LRMDA: variants seen among roughly 807,000 people sequenced by gnomAD.
The protein encoded by LRMDA is leucine-rich melanocyte differentiation-associated protein.
A neutral mutation model predicts 29.8 loss-of-function variants in LRMDA; 18 were observed. That is an observed-to-expected ratio of 0.60 (90% CI 0.42 to 0.90). The LOEUF is 0.90. Ranked by LOEUF, LRMDA falls within the 40% of genes least tolerant of loss-of-function variation. LRMDA has a pLI of 0.00. For missense variants in LRMDA, 273 were observed against 273.9 expected (o/e 1.00, Z 0.02); for synonymous variants, 125 against 109.4 (o/e 1.14, Z -0.89).
chr10:76,334,489 C>A (rs1045974556), intron 6 of LRMDA, among the ~76,000 whole-genome samples: 4 of 152,162 alleles, frequency 2.6e-5, no homozygotes, highest in African/African-American at 9.7e-5. Flanking sequence ...CAAATGATGA[C>A]GTTGTTGGCT....
At chr10:75,757,065 G>T (rs917468685) in intron 2 of LRMDA, among the ~76,000 whole-genome samples, 2 of 152,256 alleles carry the variant, frequency 1.3e-5, no homozygotes, top group East Asian at 1.9e-4. Flanking sequence ...TCTTCCTGGG[G>T]CCCAGAAATC....
chr10:75,758,951 T>A (rs1016550743), intron 2 of LRMDA, among the ~76,000 whole-genome samples: 4 of 131,938 alleles, frequency 3.0e-5, no homozygotes, highest in Non-Finnish European at 4.7e-5. Flanking sequence ...TTTGCCAGTA[T>A]TTTTTTTTTT....
rs564017539 is a variant in LRMDA, at chr10:76,406,993, C to G, written c.601+82508C>G. On this transcript the variant is annotated intron_variant, in intron 6 of 6. Transcript: ENST00000611255. ...CTTCAGAATCTGCCCATTCGTGCAA[C>G]CTTTGATCCCTCCATCCACCCACAA... Among the ~76,000 whole-genome samples the G allele has an allele frequency of 3.9e-5, 6 of 152,292 alleles. No homozygotes were observed. In the East Asian group the frequency reaches 1.2e-3, roughly 29 times the overall value.
At chr10:75,486,658 A>G (rs1170130558) in intron 2 of LRMDA, among the ~76,000 whole-genome samples, 1 of 152,096 alleles carries the variant, frequency 6.6e-6, no homozygotes, top group Non-Finnish European at 1.5e-5. Flanking sequence ...GGGGGGCAAC[A>G]TGAGCAAAGT....
intron 6 of LRMDA, among the ~76,000 whole-genome samples, chr10:76,422,923 T>A (rs898767277): frequency 1.3e-5 from 2 of 152,232 alleles, no homozygotes; most frequent in African/African-American, 4.8e-5. Flanking sequence ...CCTGAATCTC[T>A]GCAATGAACT....
intron 2 of LRMDA, among the ~76,000 whole-genome samples, chr10:75,704,445 G>A (rs962186180): frequency 3.9e-5 from 6 of 152,124 alleles, no homozygotes; most frequent in African/African-American, 1.4e-4. Context: ...CTCAAATGAT[G>A]AGTTTTAAAA....
chr10:75,743,991 A>G (rs545683207), intron 2 of LRMDA, among the ~76,000 whole-genome samples: 22 of 152,302 alleles, frequency 1.4e-4, no homozygotes, highest in African/African-American at 4.6e-4. Context: ...GGGTTTCCTG[A>G]GCTGCATTAA....
At chr10:75,632,792 T>G (rs1485881939) in intron 2 of LRMDA, among the ~76,000 whole-genome samples, 1 of 136,848 alleles carries the variant, frequency 7.3e-6, no homozygotes, top group East Asian at 2.0e-4. Context: ...GTTTTTTTTT[T>G]TTTTTTTTTT....
At chr10:76,492,249 C>G (rs1351008393) in intron 6 of LRMDA, among the ~76,000 whole-genome samples, 1 of 152,006 alleles carries the variant, frequency 6.6e-6, no homozygotes, top group Non-Finnish European at 1.5e-5. Context: ...TGTCTCAATG[C>G]TTGTGGGTGT....
intron 2 of LRMDA, among the ~76,000 whole-genome samples, chr10:75,650,522 A>T (rs1293047813): frequency 6.6e-6 from 1 of 152,150 alleles, no homozygotes; most frequent in East Asian, 1.9e-4. Context: ...AGATAGCAGA[A>T]TTTAAACATT....
At chr10:76,275,318 T>G (rs901100725) in intron 5 of LRMDA, among the ~76,000 whole-genome samples, 20 of 152,052 alleles carry the variant, frequency 1.3e-4, no homozygotes, top group African/African-American at 4.6e-4. Flanking sequence ...TTTAGTAACT[T>G]AATTAAGATT....
chr10:75,832,391 C>A (rs527650496), intron 2 of LRMDA, among the ~76,000 whole-genome samples: 2 of 152,308 alleles, frequency 1.3e-5, no homozygotes, highest in Non-Finnish European at 2.9e-5. Context: ...AGTTCCTCAT[C>A]TTCATCTGAG....
At chr10:75,506,694 G>C (rs1168434874) in intron 2 of LRMDA, among the ~76,000 whole-genome samples, 1 of 152,244 alleles carries the variant, frequency 6.6e-6, no homozygotes, top group Non-Finnish European at 1.5e-5. Context: ...TCAGCGCCAT[G>C]TTGGTCCCTT....
intron 2 of LRMDA, among the ~76,000 whole-genome samples, chr10:75,990,638 G>A (rs1176188250): frequency 6.6e-6 from 1 of 152,146 alleles, no homozygotes; most frequent in Non-Finnish European, 1.5e-5. Context: ...GGCTCCCTGT[G>A]AAATATGAGC....
chr10:76,300,082 T>C (rs1358005568), intron 5 of LRMDA, among the ~76,000 whole-genome samples: 3 of 152,232 alleles, frequency 2.0e-5, no homozygotes, highest in Non-Finnish European at 4.4e-5. Context: ...GGCAGATATA[T>C]AGTGGCAGAA....
chr10:76,518,403 C>T (rs983487429), intron 6 of LRMDA, among the ~76,000 whole-genome samples: 3 of 151,764 alleles, frequency 2.0e-5, no homozygotes, highest in Admixed American at 6.6e-5. Context: ...TTACTGGGGA[C>T]GAAGAGGACC....
chr10:76,168,192 G>T (rs931828765), intron 5 of LRMDA, among the ~76,000 whole-genome samples: 1 of 152,132 alleles, frequency 6.6e-6, no homozygotes, highest in Non-Finnish European at 1.5e-5. Flanking sequence ...TTGCTGACTT[G>T]TTAGCCACAG....
chr10:76,001,166 C>T (rs558599146), intron 2 of LRMDA, among the ~76,000 whole-genome samples: 26 of 152,306 alleles, frequency 1.7e-4, no homozygotes, highest in Middle Eastern at 3.4e-3. Context: ...TCTGGTTGTT[C>T]TTCCTTATGG....
intron 2 of LRMDA, among the ~76,000 whole-genome samples, chr10:75,971,883 T>C (rs1846978657): frequency 6.6e-6 from 1 of 152,158 alleles, no homozygotes; most frequent in African/African-American, 2.4e-5. Context: ...GCCAACGACT[T>C]CTGTGTGGTT....
Sources: allele counts gnomAD v4.1 joint callset (sites outside exome capture counted in the v4.1 genomes callset), GRCh38; gene constraint gnomAD v4.1.1; transcripts MANE v1.5; gene names NCBI Gene and HGNC (gene_info 2026-07-23, HGNC 2026-07-21).